DISP3: variants seen among roughly 807,000 people sequenced by gnomAD.
DISP3 encodes the protein dispatched RND transporter family member 3.
DISP3 carries 101 observed loss-of-function variants against 135.3 expected under a neutral mutation model. The observed-to-expected ratio is 0.75, with a 90% CI of 0.64 to 0.88. The LOEUF (loss-of-function observed/expected upper bound fraction) is 0.88, where lower values mean the gene tolerates loss of function less well. Ranked by LOEUF, DISP3 falls within the 40% of genes least tolerant of loss-of-function variation. The pLI, the probability that DISP3 is intolerant of heterozygous loss-of-function variation, is 0.00. For missense variants in DISP3, 1,713 were observed against 1,878.6 expected, an observed-to-expected ratio of 0.91 and a Z score of 1.63; for synonymous variants, 856 against 817.0, an observed-to-expected ratio of 1.05 and a Z score of -0.81.
intron 1 of DISP3, chr1:11,481,982 T>C (rs1016313698): frequency 3.3e-5 from 5 of 152,220 alleles, no homozygotes; most frequent in African/African-American, 1.2e-4. Flanking sequence ...CCTCTGCATA[T>C]ACCACTGGTT....
In DISP3 at chr1:11,516,275, G is replaced by A. The variant is rs1642010734; in HGVS notation, c.1749+114G>A. 4 of 1,301,238 alleles carry A rather than the reference G, an allele frequency of 3.1e-6. No homozygotes were observed. The highest frequency in any genetic ancestry group is 1.5e-5 in the African/African-American group (1 of 67,600). 80.6% of individuals were successfully genotyped at this position (1,301,238 alleles called of 1,614,324 possible). On this transcript the variant is annotated intron_variant, in intron 6 of 20. Coordinates refer to ENST00000294484, the MANE Select transcript of DISP3 (RefSeq NM_020780.2). The surrounding 1 kb of genome is among the most constrained non-coding windows in gnomAD (Gnocchi z 5.1). Reference sequence around the variant, plus strand: ...AGTGGCCATATAGCCTTCACCTCAAGGTACTTGCCCTGGCTCTAGAGTTCA... The same window carrying A: ...AGTGGCCATATAGCCTTCACCTCAAAGTACTTGCCCTGGCTCTAGAGTTCA...
chr1:11,499,125 C>CT lies in DISP3; in HGVS notation c.-3-1865_-3-1864insT, dbSNP rs1184140008. On this transcript the variant is annotated intron_variant, in intron 1 of 20. Transcript: ENST00000294484. The surrounding 1 kb of genome is among the most constrained non-coding windows in gnomAD (Gnocchi z 5.2). ...GTGGACCCCTAGGGGACGGGGATGGCATTCCTGGTGGAATAGCAATGGGAT... is the reference window on the plus strand; with the variant it reads ...GTGGACCCCTAGGGGACGGGGATGGCTATTCCTGGTGGAATAGCAATGGGAT... 6.6e-6 allele frequency among the ~76,000 whole-genome samples: 1 copy of CT among 152,130 alleles called. No homozygotes were observed. The highest frequency in any genetic ancestry group is 1.5e-5 in the Non-Finnish European group (1 of 68,010).
In DISP3 at chr1:11,529,679, T is replaced by C; in HGVS notation, c.2922T>C (p.Ser974=). The C allele has an allele frequency of 6.2e-7, 1 of 1,605,930 alleles. No homozygotes were observed. Among genetic ancestry groups the C allele is most frequent in the Non-Finnish European group, 8.5e-7 (1 of 1,173,686 alleles). ...GPTKGFFFVP[S]EKVPKARLSA... The stretch of plus-strand genomic sequence containing the variant: ...CCAAAGGCTTCTTCTTCGTGCCTAG[T>C]GAGAAAGGTACGGCAAGGGCACACA... Residue 974 remains serine (S), a synonymous_variant, in exon 14 of 21, where the codon AGT becomes AGC. Transcript: ENST00000294484. This position sits in a 1 kb window ranked among gnomAD's most constrained non-coding sequence, Gnocchi z 4.7.
Position 11,534,473 on chromosome 1 carries a change from G to A in DISP3, c.3468G>A (p.Glu1156=). The part of the protein sequence containing the change: ...FLQQQLQALP[E]GSVLRRGFQT... The stretch of plus-strand genomic sequence containing the variant: ...AGCAGCAGCTGCAGGCCTTGCCCGA[G>A]GGCTCAGTCCTGCGCCGGGGCTTCC... The change falls in exon 18 of 21, where the codon GAG becomes GAA. Residue 1156 remains glutamate (E), a synonymous_variant. Transcript: ENST00000294484. The A allele has an allele frequency of 6.2e-7, 1 of 1,614,172 alleles. No individual in the cohort carries two copies. The highest frequency in any genetic ancestry group is 1.1e-5 in the South Asian group (1 of 91,080).
chr1:11,494,275 TAGATG>T (rs1641268533), intron 1 of DISP3, among the ~76,000 whole-genome samples: 1 of 152,244 alleles, frequency 6.6e-6, no homozygotes. Context: ...TGGCACGTGG[TAGATG>T]CAGAGTTAAT....
At chr1:11,497,409 G>A (rs1185005620) in intron 1 of DISP3, among the ~76,000 whole-genome samples, 1 of 147,712 alleles carries the variant, frequency 6.8e-6, no homozygotes, top group Non-Finnish European at 1.5e-5. Flanking sequence ...TTTTTTAGAC[G>A]GAGTCTTGCT....
Position 11,516,059 on chromosome 1 carries a change from C to A in DISP3, c.1647C>A (p.Asp549Glu), listed in dbSNP as rs1392568793. Residue 549 changes from aspartate (D) to glutamate (E), a missense_variant, in exon 6 of 21, where the codon GAC (aspartate) becomes GAA (glutamate). Coordinates refer to ENST00000294484, the MANE Select transcript of DISP3 (RefSeq NM_020780.2). The surrounding 1 kb of genome is among the most constrained non-coding windows in gnomAD (Gnocchi z 5.1). ...NTYRQATHLE[D>E]PQLRMIHTVQ... ...ACCGCCAGGCCACCCACCTGGAAGA[C>A]CCACAGCTGCGCATGATCCACACCG... The A allele has an allele frequency of 3.1e-6, 5 of 1,614,080 alleles. No homozygotes were observed. In the Admixed American group the frequency reaches 8.3e-5, roughly 27 times the overall value.
At chr1:11,530,783 A>G in intron 15 of DISP3, 124 bp from the exon 16 acceptor site, 1 of 1,339,388 alleles carries the variant, frequency 7.5e-7, no homozygotes, top group Admixed American at 1.8e-5. Flanking sequence ...GCAGGCTGCC[A>G]ACATGAGGGT....
At chr1:11,507,273 T>A (rs1465277025) in intron 3 of DISP3, among the ~76,000 whole-genome samples, 1 of 152,182 alleles carries the variant, frequency 6.6e-6, no homozygotes, top group Non-Finnish European at 1.5e-5. Flanking sequence ...CTACCTCTAG[T>A]TTGCCCTAGA....
chr1:11,536,849 G>A lies in DISP3; in HGVS notation c.*163G>A, dbSNP rs1423891801. On this transcript the variant is annotated 3_prime_UTR_variant, in exon 21 of 21. Coordinates refer to ENST00000294484, the MANE Select transcript of DISP3 (RefSeq NM_020780.2). This position sits in a 1 kb window ranked among gnomAD's most constrained non-coding sequence, Gnocchi z 4.3. ...CCACACAGATGGTGTGGACCATGCT[G>A]CCTTGTGGAGCTGGGAGTTGGAGAC... 5 of 996,264 alleles carry A rather than the reference G, an allele frequency of 5.0e-6. No homozygotes were observed. Among genetic ancestry groups the A allele is most frequent in the Non-Finnish European group, 7.1e-6 (5 of 707,726 alleles). 61.7% of individuals were successfully genotyped at this position (996,264 alleles called of 1,614,324 possible). A position where few individuals can be genotyped will look rare whatever the true frequency, so the allele number is the denominator to read the frequency against.
chr1:11,535,330 C>T, intron 19 of DISP3, 148 bp from the exon 20 acceptor site: 2 of 1,180,996 alleles, frequency 1.7e-6, no homozygotes, highest in Non-Finnish European at 2.4e-6. Flanking sequence ...TGATGTGTTA[C>T]TGCACCTGTC....
intron 1 of DISP3, 82 bp from the exon 2 acceptor site, chr1:11,500,908 A>G: frequency 1.3e-6 from 2 of 1,484,964 alleles, no homozygotes; most frequent in Non-Finnish European, 1.8e-6. Context: ...CAGGGTTGGT[A>G]CCTAGGGCTG....
rs1458539466 is a variant in DISP3 at position 11,516,034 on chromosome 1, A to C, written c.1622A>C (p.Tyr541Ser). 1 of 1,613,952 alleles carries C rather than the reference A, an allele frequency of 6.2e-7. No homozygotes were observed. Among genetic ancestry groups the C allele is most frequent in the Non-Finnish European group, 8.5e-7 (1 of 1,179,972 alleles). ...GATGTCTTTGTGTTCATCAACACCTACCGCCAGGCCACCCACCTGGAAGAC... is the reference window on the plus strand; with the variant it reads ...GATGTCTTTGTGTTCATCAACACCTCCCGCCAGGCCACCCACCTGGAAGAC... The part of the protein sequence containing the change: ...VDDVFVFINT[Y>S]RQATHLEDPQ... Residue 541 changes from tyrosine (Y) to serine (S), a missense_variant, in exon 6 of 21, where the codon TAC becomes TCC. Physicochemically the swap from Tyr to Ser is moderately radical, Grantham distance 144 (BLOSUM62 -2). Around this residue, in one of 2 missense-constraint regions of DISP3, gnomAD observed 1,142 missense variants for 1,384.6 expected, o/e 0.82. Coordinates refer to ENST00000294484, the MANE Select transcript of DISP3 (RefSeq NM_020780.2). This position sits in a 1 kb window ranked among gnomAD's most constrained non-coding sequence, Gnocchi z 5.1.
intron 3 of DISP3, among the ~76,000 whole-genome samples, chr1:11,509,511 A>G (rs1570103078): frequency 1.3e-5 from 2 of 152,210 alleles, no homozygotes; most frequent in African/African-American, 4.8e-5. Context: ...TCTATCTACA[A>G]TCGGGGCATT....
intron 3 of DISP3, among the ~76,000 whole-genome samples, chr1:11,512,335 C>T (rs2100443325): frequency 6.6e-6 from 1 of 152,218 alleles, no homozygotes; most frequent in South Asian, 2.1e-4. Context: ...AACTGAATGC[C>T]TTTAACAGCA....
chr1:11,534,249 G>A, intron 17 of DISP3, 132 bp from the exon 18 acceptor site: 1 of 1,112,820 alleles, frequency 9.0e-7, no homozygotes, highest in Non-Finnish European at 1.3e-6. Context: ...ATTTTGGATT[G>A]AATCGTTGTT....
At chr1:11,526,953 T>G in intron 13 of DISP3, 118 bp downstream of exon 13, 3 of 1,285,922 alleles carry the variant, frequency 2.3e-6, no homozygotes, top group South Asian at 3.1e-5. Context: ...ACTTTTTTTT[T>G]TTTTTCTTAC....
chr1:11,484,510 G>T (rs1323288161), intron 1 of DISP3, among the ~76,000 whole-genome samples: 1 of 152,212 alleles, frequency 6.6e-6, no homozygotes, highest in Non-Finnish European at 1.5e-5. Context: ...GCATCCTGGG[G>T]CCATCCCCTG....
In DISP3 at chr1:11,501,301, C is replaced by T. The variant is rs1467184154; in HGVS notation, c.309C>T (p.Ile103=). The T allele has an allele frequency of 1.2e-6, 2 of 1,614,036 alleles. No individual in the cohort carries two copies. Among genetic ancestry groups the T allele is most frequent in the East Asian group, 2.2e-5 (1 of 44,888 alleles). The part of the protein sequence containing the change: ...FLYYPPLDID[I]SYNAFEIRNH... ...ACTACCCACCGCTGGACATTGACAT[C>T]TCCTACAACGCCTTTGAGATCCGCA... Residue 103 remains isoleucine (I), a synonymous_variant, in exon 2 of 21, where the codon ATC becomes ATT. Coordinates refer to ENST00000294484, the MANE Select transcript of DISP3 (RefSeq NM_020780.2). This position sits in a 1 kb window ranked among gnomAD's most constrained non-coding sequence, Gnocchi z 4.9.
Sources: gnomAD v4.1 joint callset for allele counts (sites outside exome capture counted in the v4.1 genomes callset) on GRCh38, gnomAD v4.1.1 for gene constraint, gnomAD v4.1.1 regional missense constraint, Gnocchi (gnomAD v3.1) non-coding constraint, MANE v1.5 for transcripts, NCBI Gene and HGNC (gene_info 2026-07-23, HGNC 2026-07-21) for gene names.